SAP30BP: variants seen among roughly 807,000 people sequenced by gnomAD.
SAP30BP encodes the protein SAP30 binding protein.
In SAP30BP, 31 loss-of-function variants were observed where a neutral mutation model predicts 46.3. The ratio of observed to expected loss-of-function variants is 0.67; its 90% CI spans 0.50 to 0.90. The LOEUF is 0.90. Among genes scored for constraint, SAP30BP ranks in the 40% least tolerant of loss-of-function variants. SAP30BP has a pLI of 0.00. For missense variants in SAP30BP, 312 were observed against 391.0 expected (o/e 0.80, Z 1.70); for synonymous variants, 169 against 144.2 (o/e 1.17, Z -1.23).
At chr17:75,704,944 CCT>C (rs1301085710) in intron 9 of SAP30BP, 130 bp downstream of exon 9, 3 of 743,096 alleles carry the variant, frequency 4.0e-6, no homozygotes, top group Admixed American at 2.0e-5. Context: ...ATGCTCTGAG[CCT>C]CTCAGCAGGG....
At chr17:75,702,822 T>C in intron 6 of SAP30BP, 1 of 357,018 alleles carries the variant, frequency 2.8e-6, no homozygotes, top group Non-Finnish European at 5.1e-6. Flanking sequence ...CTGGCTGAGT[T>C]CTCGTCCCTG....
intron 3 of SAP30BP, among the ~76,000 whole-genome samples, chr17:75,687,359 T>C (rs1011469345): frequency 1.3e-5 from 2 of 152,172 alleles, no homozygotes; most frequent in African/African-American, 4.8e-5. Flanking sequence ...CTCACACCTG[T>C]AATCCCAGCA....
chr17:75,689,382 C>G (rs820220), intron 3 of SAP30BP, among the ~76,000 whole-genome samples: 147,638 of 152,156 alleles, frequency 0.97, 71,798 homozygotes, highest in East Asian at 1. Context: ...CTCCCAACTC[C>G]CCCAGCCTGT....
intron 7 of SAP30BP, 180 bp downstream of exon 7, chr17:75,703,551 C>T (rs556066149): frequency 1.4e-5 from 9 of 648,226 alleles, no homozygotes; most frequent in Admixed American, 2.7e-5. Context: ...AAAGAGATTC[C>T]GGTGGCCGGC....
intron 3 of SAP30BP, chr17:75,672,252 A>T: frequency 4.6e-6 from 1 of 217,698 alleles, no homozygotes; most frequent in Non-Finnish European, 9.5e-6. Context: ...CTCTTTAGTC[A>T]TCTAGAAGTG....
intron 3 of SAP30BP, among the ~76,000 whole-genome samples, chr17:75,682,672 T>C (rs1044942746): frequency 6.6e-6 from 1 of 152,128 alleles, no homozygotes. Context: ...AAGAATTGTA[T>C]GGCATATGAG....
At chr17:75,698,533 A>T (rs2060356869) in intron 4 of SAP30BP, among the ~76,000 whole-genome samples, 1 of 151,364 alleles carries the variant, frequency 6.6e-6, no homozygotes, top group Admixed American at 6.6e-5. Context: ...TGGTTTACAG[A>T]CATATGCAGT....
At chr17:75,690,858 G>T (rs2060231535) in intron 3 of SAP30BP, 2 of 429,052 alleles carry the variant, frequency 4.7e-6, no homozygotes, top group Non-Finnish European at 9.4e-6. Context: ...ATGGGAATCT[G>T]AACCAACACA....
In SAP30BP at chr17:75,680,479, G is replaced by A. The variant is rs564730983; in HGVS notation, c.264+8616G>A. Among the ~76,000 whole-genome samples the A allele has an allele frequency of 1.6e-4, 24 of 152,184 alleles. 1 individual carries two copies. Among genetic ancestry groups the A allele is most frequent in the Non-Finnish European group, 2.6e-4 (18 of 68,030 alleles). ...CCTCTGGCTGTGGAACCACAGGCCTGTAACTTAAGCTTCACTCGGCTCCAT... is the reference window on the plus strand; with the variant it reads ...CCTCTGGCTGTGGAACCACAGGCCTATAACTTAAGCTTCACTCGGCTCCAT... On this transcript the variant is annotated intron_variant, in intron 3 of 10. Coordinates refer to ENST00000584667, the MANE Select transcript of SAP30BP (RefSeq NM_013260.8).
chr17:75,675,339 C>G (rs1599102031), intron 3 of SAP30BP, among the ~76,000 whole-genome samples: 1 of 151,780 alleles, frequency 6.6e-6, no homozygotes, highest in Non-Finnish European at 1.5e-5. Flanking sequence ...TTAGTAGAGA[C>G]GGGGTTTCAC....
chr17:75,679,912 C>T (rs967498812), intron 3 of SAP30BP: 2 of 152,260 alleles, frequency 1.3e-5, no homozygotes, highest in East Asian at 3.8e-4. Flanking sequence ...ACCCGAACAT[C>T]CCTTTCGCCA....
chr17:75,700,769 C>T (rs980670045), intron 5 of SAP30BP, among the ~76,000 whole-genome samples: 1 of 152,244 alleles, frequency 6.6e-6, no homozygotes, highest in African/African-American at 2.4e-5. Flanking sequence ...GACAACCAGA[C>T]AACAAGCTCC....
chr17:75,689,278 G>A (rs967897168), intron 3 of SAP30BP, among the ~76,000 whole-genome samples: 18 of 151,490 alleles, frequency 1.2e-4, no homozygotes, highest in African/African-American at 4.1e-4. Flanking sequence ...CACCATGCCC[G>A]GCTAATTTTT....
intron 4 of SAP30BP, 68 bp from the exon 5 acceptor site, chr17:75,699,715 T>G: frequency 9.5e-7 from 1 of 1,054,346 alleles, no homozygotes. Context: ...TGTGCTTATG[T>G]TTTTTTGTCC....
At position 75,706,179 on chromosome 17, in the gene SAP30BP, C is replaced by T. The variant is rs2060494584; in HGVS notation, c.745+87C>T. On this transcript the variant is annotated intron_variant, in intron 10 of 10. Transcript: ENST00000584667. This position sits in a 1 kb window ranked among gnomAD's most constrained non-coding sequence, Gnocchi z 4.6. ...TTTGGGCGACAGACAGCACGTGGAT[C>T]TGGGCCTGGGCTCAGCCTTGCTACT... 1 of 1,560,674 alleles carries T rather than the reference C, an allele frequency of 6.4e-7. No individual in the cohort carries two copies. Among genetic ancestry groups the T allele is most frequent in the African/African-American group, 1.4e-5 (1 of 74,028 alleles).
intron 2 of SAP30BP, among the ~76,000 whole-genome samples, chr17:75,670,989 A>G (rs1484680030): frequency 6.6e-6 from 1 of 152,198 alleles, no homozygotes; most frequent in East Asian, 1.9e-4. Context: ...CCAGCTAATA[A>G]GGTAGCTGGT....
intron 3 of SAP30BP, among the ~76,000 whole-genome samples, chr17:75,674,119 C>T (rs1466187381): frequency 2.0e-5 from 3 of 152,060 alleles, no homozygotes; most frequent in Non-Finnish European, 4.4e-5. Flanking sequence ...TAGGAGTCCT[C>T]GTGGCATCTC....
intron 3 of SAP30BP, among the ~76,000 whole-genome samples, chr17:75,686,730 C>G (rs1275904173): frequency 6.6e-6 from 1 of 152,112 alleles, no homozygotes; most frequent in Non-Finnish European, 1.5e-5. Flanking sequence ...CAGGATACAA[C>G]TAAAGGAAAT....
At chr17:75,674,913 G>C (rs2059967720) in intron 3 of SAP30BP, among the ~76,000 whole-genome samples, 1 of 151,420 alleles carries the variant, frequency 6.6e-6, no homozygotes, top group African/African-American at 2.4e-5. Flanking sequence ...ATATTGCCCC[G>C]GCTGGTCTTG....
Sources: allele counts gnomAD v4.1 joint callset (sites outside exome capture counted in the v4.1 genomes callset), GRCh38; gene constraint gnomAD v4.1.1; non-coding constraint Gnocchi (gnomAD v3.1); transcripts MANE v1.5; gene names NCBI Gene and HGNC (gene_info 2026-07-23, HGNC 2026-07-21).